SCAPER: variants seen among roughly 807,000 people sequenced by gnomAD.
SCAPER encodes S-phase cyclin A associated protein in the ER, also known as S phase cyclin A-associated protein in the endoplasmic reticulum.
A neutral mutation model predicts 182.2 loss-of-function variants in SCAPER; 98 were observed. The observed-to-expected ratio is 0.54, with a 90% CI of 0.46 to 0.64. The LOEUF is 0.64. Ranked by LOEUF, SCAPER falls within the 30% of genes least tolerant of loss-of-function variation. SCAPER has a pLI of 0.00. For missense variants in SCAPER, 1,432 were observed against 1,690.0 expected, an observed-to-expected ratio of 0.85 and a Z score of 2.68; for synonymous variants, 605 against 564.6, an observed-to-expected ratio of 1.07 and a Z score of -1.01.
chr15:76,761,651 T>C (rs2062794382), intron 14 of SCAPER, among the ~76,000 whole-genome samples: 1 of 152,334 alleles, frequency 6.6e-6, no homozygotes, highest in African/African-American at 2.4e-5. Flanking sequence ...TAAAAGATAT[T>C]GGTATGATTT....
At chr15:76,387,707 A>G (rs2043379519) in intron 27 of SCAPER, among the ~76,000 whole-genome samples, 1 of 152,246 alleles carries the variant, frequency 6.6e-6, no homozygotes, top group Non-Finnish European at 1.5e-5. Flanking sequence ...AAGCAAAGAT[A>G]GCTTCAAGGA....
chr15:76,701,374 G>A (rs2058939285), intron 20 of SCAPER, among the ~76,000 whole-genome samples: 1 of 138,096 alleles, frequency 7.2e-6, no homozygotes, highest in African/African-American at 2.5e-5. Flanking sequence ...AAGAAATAAT[G>A]AATTTCCAAA....
intron 20 of SCAPER, among the ~76,000 whole-genome samples, chr15:76,679,291 G>C (rs543723940): frequency 3.9e-5 from 6 of 152,216 alleles, no homozygotes; most frequent in African/African-American, 1.4e-4. Context: ...GATTACACAA[G>C]CAAGTGCTCA....
intron 20 of SCAPER, among the ~76,000 whole-genome samples, chr15:76,676,795 C>A: frequency 6.6e-6 from 1 of 151,076 alleles, no homozygotes; most frequent in Admixed American, 6.6e-5. Flanking sequence ...TATATTTGGG[C>A]ATAAAAAGAA....
rs2059718331 is a variant in SCAPER at position 76,713,640 on chromosome 15, G to T, written c.2166-7656C>A. Reference sequence around the variant, plus strand: ...TCTGGGGACTGTTGTGGGGTGGGGGGAGAGGGGAGGGATAGCATTAGGAGA... The same window carrying T: ...TCTGGGGACTGTTGTGGGGTGGGGGTAGAGGGGAGGGATAGCATTAGGAGA... On this transcript the variant is annotated intron_variant, in intron 17 of 31. Coordinates refer to ENST00000563290, the MANE Select transcript of SCAPER (RefSeq NM_020843.4). Among the ~76,000 whole-genome samples the T allele has an allele frequency of 2.0e-5, 3 of 151,804 alleles. No homozygotes were observed. In the South Asian group the frequency reaches 6.2e-4, roughly 32 times the overall value.
chr15:76,825,797 T>G (rs1035791829), intron 5 of SCAPER, among the ~76,000 whole-genome samples: 1 of 152,142 alleles, frequency 6.6e-6, no homozygotes, highest in Non-Finnish European at 1.5e-5. Flanking sequence ...CAGGCTGGAG[T>G]ACAGTGAGGT....
intron 2 of SCAPER, among the ~76,000 whole-genome samples, chr15:76,883,189 G>A (rs1046134316): frequency 2.0e-5 from 3 of 152,228 alleles, no homozygotes; most frequent in Non-Finnish European, 4.4e-5. Context: ...AACAGAGCAA[G>A]AATATGTGCT....
In SCAPER at chr15:76,662,467, T is replaced by C. The variant is rs530268299; in HGVS notation, c.2645+3186A>G. Among the ~76,000 whole-genome samples, 38 of 152,214 alleles carry C rather than the reference T, an allele frequency of 2.5e-4. 1 individual carries two copies. In the South Asian group the frequency reaches 4.8e-3, roughly 19 times the overall value. ...CAAAACAAGCTCAAAAAAGAAAACA[T>C]TGAAGGACTTCTACTTTATTTGAAG... On this transcript the variant is annotated intron_variant, in intron 21 of 31. Transcript: ENST00000563290.
chr15:76,863,021 A>G (rs8026029), intron 2 of SCAPER, among the ~76,000 whole-genome samples: 1,801 of 152,298 alleles, frequency 0.012, 22 homozygotes, highest in African/African-American at 0.04. Context: ...GATTCAAATA[A>G]TAATTGCTGT....
intron 16 of SCAPER, among the ~76,000 whole-genome samples, chr15:76,732,883 C>T (rs577415810): frequency 3.3e-5 from 5 of 152,220 alleles, no homozygotes; most frequent in Admixed American, 6.5e-5. Flanking sequence ...TCTCCTCTCT[C>T]TCTCTGCCTC....
At chr15:76,467,681 G>A (rs527613326) in intron 25 of SCAPER, among the ~76,000 whole-genome samples, 21 of 152,188 alleles carry the variant, frequency 1.4e-4, no homozygotes, top group African/African-American at 4.6e-4. Context: ...TCTGAGCTAC[G>A]TTGTAGTTCT....
intron 26 of SCAPER, among the ~76,000 whole-genome samples, chr15:76,433,518 C>G (rs144580935): frequency 1.3e-5 from 2 of 151,940 alleles, no homozygotes; most frequent in African/African-American, 4.8e-5. Flanking sequence ...ACAACAACAA[C>G]AAAAAAACAA....
At chr15:76,412,695 T>A (rs2045376204) in intron 26 of SCAPER, among the ~76,000 whole-genome samples, 2 of 152,172 alleles carry the variant, frequency 1.3e-5, no homozygotes. Flanking sequence ...CTTATTATTC[T>A]TTTTCAAAAT....
chr15:76,548,961 A>G (rs2045522989), intron 23 of SCAPER, among the ~76,000 whole-genome samples: 1 of 152,344 alleles, frequency 6.6e-6, no homozygotes, highest in Admixed American at 6.5e-5. Context: ...TAGTTAAACT[A>G]AAGAGCTTCT....
chr15:76,517,756 T>C (rs1349728989), intron 23 of SCAPER, among the ~76,000 whole-genome samples: 1 of 152,200 alleles, frequency 6.6e-6, no homozygotes, highest in Non-Finnish European at 1.5e-5. Flanking sequence ...TTTCTGTTTT[T>C]CTATTGATGT....
At position 76,644,596 on chromosome 15, in the gene SCAPER, A is replaced by C. The variant is rs567702796; in HGVS notation, c.2645+21057T>G. Among the ~76,000 whole-genome samples the C allele has an allele frequency of 7.2e-5, 11 of 152,192 alleles. No individual in the cohort carries two copies. The East Asian group carries it at 1.2e-3, about 16-fold the overall frequency. ...TAATTTTTATGACCATAAAAACAAA[A>C]AAAAAAAATCTGAGAACTGCTTTAC... On this transcript the variant is annotated intron_variant, in intron 21 of 31. Transcript: ENST00000563290.
intron 14 of SCAPER, among the ~76,000 whole-genome samples, chr15:76,761,667 T>G (rs1023599084): frequency 6.6e-6 from 1 of 152,232 alleles, no homozygotes; most frequent in Non-Finnish European, 1.5e-5. Flanking sequence ...GATTTCCATC[T>G]TCTTAAATTT....
chr15:76,747,164 T>C (rs1182357113), intron 15 of SCAPER, among the ~76,000 whole-genome samples: 1 of 152,172 alleles, frequency 6.6e-6, no homozygotes, highest in African/African-American at 2.4e-5. Flanking sequence ...AGGACAGACA[T>C]ACAGACTGCA....
chr15:76,681,414 A>G (rs557252394), intron 20 of SCAPER, among the ~76,000 whole-genome samples: 1 of 152,356 alleles, frequency 6.6e-6, no homozygotes, highest in Admixed American at 6.5e-5. Flanking sequence ...TCTGTAAGAG[A>G]CCCATCTAAG....
Sources: gnomAD v4.1 joint callset for allele counts (sites outside exome capture counted in the v4.1 genomes callset) on GRCh38, gnomAD v4.1.1 for gene constraint, MANE v1.5 for transcripts, NCBI Gene and HGNC (gene_info 2026-07-23, HGNC 2026-07-21) for gene names.